C8orf34: variants seen among roughly 807,000 people sequenced by gnomAD.
The protein encoded by C8orf34 is uncharacterized protein C8orf34.
C8orf34 carries 65 observed loss-of-function variants against 68.3 expected under a neutral mutation model. The ratio of observed to expected loss-of-function variants is 0.95; its 90% CI spans 0.78 to 1.17. The LOEUF (loss-of-function observed/expected upper bound fraction) is 1.17. Among genes scored for constraint, C8orf34 ranks in the 50% most tolerant of loss-of-function variants. C8orf34 has a pLI of 0.00. For missense variants in C8orf34, 664 were observed against 655.4 expected (o/e 1.01, Z -0.14); for synonymous variants, 244 against 241.2 (o/e 1.01, Z -0.11).
chr8:68,547,555 C>G (rs1164073698), intron 7 of C8orf34, among the ~76,000 whole-genome samples: 1 of 151,604 alleles, frequency 6.6e-6, no homozygotes, highest in East Asian at 1.9e-4. Context: ...ATACCAAAAC[C>G]TGGCAAAGAC....
At chr8:68,721,259 C>A (rs1821666258) in intron 9 of C8orf34, 102 bp from the exon 10 acceptor site, 5 of 725,146 alleles carry the variant, frequency 6.9e-6, no homozygotes, top group Non-Finnish European at 1.1e-5. Context: ...TTTTTCAACA[C>A]CCAATTCCAT....
intron 2 of C8orf34, among the ~76,000 whole-genome samples, chr8:68,441,423 A>G (rs1681294997): frequency 6.6e-6 from 1 of 151,948 alleles, no homozygotes; most frequent in Non-Finnish European, 1.5e-5. Flanking sequence ...CAGTTTACTA[A>G]TTCTTCCTCC....
intron 7 of C8orf34, among the ~76,000 whole-genome samples, chr8:68,564,422 G>C (rs562609485): frequency 1.3e-5 from 2 of 152,308 alleles, no homozygotes; most frequent in South Asian, 4.1e-4. Flanking sequence ...ATAATTTTGA[G>C]TTGTTCATAT....
chr8:68,562,117 A>G (rs998016764), intron 7 of C8orf34, among the ~76,000 whole-genome samples: 27 of 152,228 alleles, frequency 1.8e-4, no homozygotes, highest in Non-Finnish European at 3.7e-4. Context: ...ACTTTTATAC[A>G]ATTGGCAATA....
chr8:68,349,532 A>AAT (rs777980119), intron 1 of C8orf34, among the ~76,000 whole-genome samples: 3 of 151,948 alleles, frequency 2.0e-5, no homozygotes, highest in Non-Finnish European at 4.4e-5. Context: ...ATTGTTGGGA[A>AAT]ATATTCCAGT....
intron 1 of C8orf34, among the ~76,000 whole-genome samples, chr8:68,416,221 A>G (rs888872807): frequency 6.6e-6 from 1 of 152,162 alleles, no homozygotes; most frequent in African/African-American, 2.4e-5. Context: ...ATTAATTTCC[A>G]GTGTTTTCAA....
At chr8:68,564,151 C>G (rs1816516359) in intron 7 of C8orf34, among the ~76,000 whole-genome samples, 1 of 152,252 alleles carries the variant, frequency 6.6e-6, no homozygotes, top group South Asian at 2.1e-4. Flanking sequence ...GATAAAAATG[C>G]CATATACCTC....
At chr8:68,574,126 T>C (rs1274261924) in intron 7 of C8orf34, among the ~76,000 whole-genome samples, 2 of 152,128 alleles carry the variant, frequency 1.3e-5, no homozygotes, top group African/African-American at 4.8e-5. Flanking sequence ...GTTAACTTAG[T>C]CTATCAGATC....
At chr8:68,345,322 C>A (rs1245650552) in intron 1 of C8orf34, among the ~76,000 whole-genome samples, 4 of 151,712 alleles carry the variant, frequency 2.6e-5, no homozygotes, top group African/African-American at 7.2e-5. Context: ...GTATTTGTTA[C>A]AGAGATTTAA....
intron 10 of C8orf34, among the ~76,000 whole-genome samples, chr8:68,741,098 G>T (rs6989754): frequency 2.6e-5 from 4 of 151,952 alleles, no homozygotes; most frequent in Admixed American, 6.6e-5. Flanking sequence ...AGGGAGGGAG[G>T]GGGGAGAGGA....
At chr8:68,649,195 T>C (rs1227783220) in intron 8 of C8orf34, among the ~76,000 whole-genome samples, 1 of 152,200 alleles carries the variant, frequency 6.6e-6, no homozygotes, top group Non-Finnish European at 1.5e-5. Context: ...TGTAAAAGAT[T>C]CCATTTGAGT....
intron 8 of C8orf34, among the ~76,000 whole-genome samples, chr8:68,688,162 G>A (rs1820577950): frequency 2.0e-5 from 3 of 152,028 alleles, no homozygotes; most frequent in Non-Finnish European, 4.4e-5. Context: ...AAAGGGAACA[G>A]TTACACTGCT....
rs147611286 is a variant in C8orf34 at position 68,661,355 on chromosome 8, A to G, written c.1241+20844A>G. On this transcript the variant is annotated intron_variant, in intron 8 of 13. Transcript: ENST00000518698. ...AGGTTTCTTCTTGGGTCTGCATTTT[A>G]CTCACCTTTTCTTAGGTCCCCATAT... 5.9e-5 allele frequency among the ~76,000 whole-genome samples: 9 copies of G among 152,230 alleles called. No homozygotes were observed. In the East Asian group the frequency reaches 1.4e-3, roughly 23 times the overall value.
chr8:68,369,679 T>C (rs1268273873), intron 1 of C8orf34, among the ~76,000 whole-genome samples: 2 of 152,196 alleles, frequency 1.3e-5, no homozygotes, highest in Admixed American at 6.5e-5. Context: ...AGTAAGGCAT[T>C]GTACCAGGGC....
intron 4 of C8orf34, among the ~76,000 whole-genome samples, chr8:68,473,903 T>A (rs1414028345): frequency 6.6e-6 from 1 of 152,318 alleles, no homozygotes; most frequent in Non-Finnish European, 1.5e-5. Context: ...TACGCTGTCA[T>A]TCTTCTGACT....
rs1585683001 is a variant in C8orf34, at chr8:68,657,077, T to C, written c.1241+16566T>C. Among the ~76,000 whole-genome samples, 4 of 152,214 alleles carry C rather than the reference T, an allele frequency of 2.6e-5. No homozygotes were observed. The South Asian group carries it at 8.3e-4, about 31-fold the overall frequency. ...TTCTCCCTTTTCCTTACAAAGTTCC[T>C]ATGAATGTCCCTCATATGCCCTATG... On this transcript the variant is annotated intron_variant, in intron 8 of 13. Transcript: ENST00000518698.
chr8:68,671,688 T>G (rs2130842915), intron 8 of C8orf34, among the ~76,000 whole-genome samples: 1 of 152,336 alleles, frequency 6.6e-6, no homozygotes, highest in East Asian at 1.9e-4. Flanking sequence ...ATAATTTTGC[T>G]TTTATTTAAT....
chr8:68,510,621 T>A (rs931318417), intron 5 of C8orf34, among the ~76,000 whole-genome samples: 8 of 144,964 alleles, frequency 5.5e-5, no homozygotes, highest in Non-Finnish European at 7.4e-5. Context: ...GTCTTTCCTG[T>A]ACTCATTTAT....
At chr8:68,748,324 G>A (rs548404538) in intron 10 of C8orf34, among the ~76,000 whole-genome samples, 16 of 147,018 alleles carry the variant, frequency 1.1e-4, no homozygotes, top group South Asian at 6.6e-4. Context: ...ACATAGGCAC[G>A]GGCAAGGACT....
Sources: gnomAD v4.1 joint callset for allele counts (sites outside exome capture counted in the v4.1 genomes callset) on GRCh38, gnomAD v4.1.1 for gene constraint, MANE v1.5 for transcripts, NCBI Gene and HGNC (gene_info 2026-07-23, HGNC 2026-07-21) for gene names.